ARL15: variants seen among roughly 807,000 people sequenced by gnomAD.
The protein encoded by ARL15 is ADP-ribosylation factor-like protein 15.
In ARL15, 19 loss-of-function variants were observed where a neutral mutation model predicts 25.2. The observed-to-expected ratio is 0.75, with a 90% confidence interval of 0.53 to 1.10. The LOEUF (loss-of-function observed/expected upper bound fraction) is 1.10. Ranked by LOEUF, ARL15 falls within the 50% of genes least tolerant of loss-of-function variation. The pLI is 0.00. For missense variants in ARL15, 220 were observed against 246.0 expected (o/e 0.89, Z 0.71); for synonymous variants, 94 against 86.8 (o/e 1.08, Z -0.46).
intron 1 of ARL15, among the ~76,000 whole-genome samples, chr5:54,195,326 TATTC>T (rs1282533523): frequency 6.6e-6 from 1 of 152,194 alleles, no homozygotes; most frequent in East Asian, 1.9e-4. Flanking sequence ...ATTTATCCTT[TATTC>T]ATTAAGAAAC....
At chr5:54,003,087 G>A (rs1302712160) in intron 4 of ARL15, among the ~76,000 whole-genome samples, 1 of 152,214 alleles carries the variant, frequency 6.6e-6, no homozygotes, top group Non-Finnish European at 1.5e-5. Flanking sequence ...CTGAAGCACT[G>A]TGGTGAAGGG....
intron 4 of ARL15, among the ~76,000 whole-genome samples, chr5:53,972,122 CT>C (rs1747773171): frequency 6.6e-6 from 1 of 151,858 alleles, no homozygotes; most frequent in African/African-American, 2.4e-5. Context: ...TTTGTAAAGG[CT>C]TAGAATTTCC....
At chr5:54,276,069 A>G (rs1757921843) in intron 1 of ARL15, among the ~76,000 whole-genome samples, 1 of 152,016 alleles carries the variant, frequency 6.6e-6, no homozygotes, top group Admixed American at 6.6e-5. Flanking sequence ...TTGGATTTTT[A>G]TATGAGAAAC....
intron 4 of ARL15, among the ~76,000 whole-genome samples, chr5:53,952,734 TG>T (rs1166906491): frequency 6.6e-6 from 1 of 152,210 alleles, no homozygotes; most frequent in Non-Finnish European, 1.5e-5. Context: ...ATTGTGCCAA[TG>T]ACTTTTTATT....
chr5:54,286,718 AGTATGGAGG>A (rs983248335), intron 1 of ARL15, among the ~76,000 whole-genome samples: 8 of 152,230 alleles, frequency 5.3e-5, no homozygotes, highest in Non-Finnish European at 1.2e-4. Context: ...CTGATTAAAA[AGTATGGAGG>A]GAGAGAAATC....
chr5:54,198,821 A>C (rs1755631788), intron 1 of ARL15, among the ~76,000 whole-genome samples: 1 of 151,710 alleles, frequency 6.6e-6, no homozygotes, highest in Admixed American at 6.6e-5. Flanking sequence ...GGAACCAAAA[A>C]AGAGCCCGCA....
At chr5:54,128,706 CTTTTTTT>C (rs34430326) in intron 3 of ARL15, among the ~76,000 whole-genome samples, 128 of 130,240 alleles carry the variant, frequency 9.8e-4, no homozygotes, top group Non-Finnish European at 1.5e-3. Context: ...TATTTTGATT[CTTTTTTT>C]TTTTTTTTTT....
intron 1 of ARL15, among the ~76,000 whole-genome samples, chr5:54,172,533 A>G (rs1261939239): frequency 6.6e-6 from 1 of 152,198 alleles, no homozygotes. Flanking sequence ...TAATCAATGT[A>G]CTGTGGTTAT....
chr5:54,090,051 T>C (rs1485122474), intron 4 of ARL15, among the ~76,000 whole-genome samples: 1 of 152,206 alleles, frequency 6.6e-6, no homozygotes, highest in Non-Finnish European at 1.5e-5. Context: ...ATATACCCTA[T>C]AACTCTTTCT....
At chr5:54,154,501 G>T in intron 3 of ARL15, 79 bp downstream of exon 3, 1 of 873,146 alleles carries the variant, frequency 1.1e-6, no homozygotes, top group Non-Finnish European at 1.7e-6. Context: ...TTATCATTAT[G>T]TTTGAATTAC....
chr5:54,018,828 A>G (rs1412126257), intron 4 of ARL15, among the ~76,000 whole-genome samples: 1 of 152,204 alleles, frequency 6.6e-6, no homozygotes, highest in Non-Finnish European at 1.5e-5. Flanking sequence ...AGAAGTAACA[A>G]ACATGTAAGA....
At chr5:54,081,005 G>A (rs1339153696) in intron 4 of ARL15, among the ~76,000 whole-genome samples, 2 of 151,944 alleles carry the variant, frequency 1.3e-5, no homozygotes, top group Non-Finnish European at 2.9e-5. Flanking sequence ...TCCTCTTAAG[G>A]CCATCAACCC....
At chr5:54,084,222 A>T (rs2112119791) in intron 4 of ARL15, among the ~76,000 whole-genome samples, 1 of 152,218 alleles carries the variant, frequency 6.6e-6, no homozygotes, top group Non-Finnish European at 1.5e-5. Flanking sequence ...GTGTAACCAA[A>T]CCCAGAAGGG....
chr5:54,176,634 A>G (rs1193583123), intron 1 of ARL15, among the ~76,000 whole-genome samples: 1 of 152,150 alleles, frequency 6.6e-6, no homozygotes, highest in Non-Finnish European at 1.5e-5. Flanking sequence ...CTCAGGCCTC[A>G]TTCCCAGGCC....
chr5:54,111,300 C>A (rs933937531), intron 4 of ARL15, among the ~76,000 whole-genome samples: 4 of 151,978 alleles, frequency 2.6e-5, no homozygotes, highest in Admixed American at 1.3e-4. Context: ...CATTTTCAGA[C>A]CATATCTATG....
intron 4 of ARL15, among the ~76,000 whole-genome samples, chr5:54,074,043 CAG>C (rs1220614299): frequency 2.6e-5 from 4 of 152,212 alleles, no homozygotes; most frequent in Non-Finnish European, 5.9e-5. Context: ...ATTTTATTTA[CAG>C]AGTGATAGCT....
At chr5:54,078,603 T>C (rs1163544196) in intron 4 of ARL15, among the ~76,000 whole-genome samples, 1 of 152,226 alleles carries the variant, frequency 6.6e-6, no homozygotes, top group African/African-American at 2.4e-5. Context: ...TGGGATGGCA[T>C]AAGACAGGAG....
intron 4 of ARL15, among the ~76,000 whole-genome samples, chr5:53,892,475 A>C (rs1325277634): frequency 6.6e-6 from 1 of 152,196 alleles, no homozygotes; most frequent in Admixed American, 6.5e-5. Context: ...TGCAGCTATT[A>C]CTGCTTTCTT....
chr5:54,050,905 A>G (rs2111986598), intron 4 of ARL15, among the ~76,000 whole-genome samples: 1 of 152,282 alleles, frequency 6.6e-6, no homozygotes, highest in East Asian at 1.9e-4. Flanking sequence ...TTTCTAAATT[A>G]TGAATATAAT....
Sources: gnomAD v4.1 joint callset for allele counts (sites outside exome capture counted in the v4.1 genomes callset) on GRCh38, gnomAD v4.1.1 for gene constraint, MANE v1.5 for transcripts, NCBI Gene and HGNC (gene_info 2026-07-23, HGNC 2026-07-21) for gene names.